SMYD3: variants seen among roughly 807,000 people sequenced by gnomAD.
SMYD3 encodes the protein SET and MYND domain containing 3.
Under a neutral mutation model 57.7 loss-of-function variants are expected in SMYD3, and 36 were observed. That is an observed-to-expected ratio of 0.62 (90% CI 0.48 to 0.82). The LOEUF is 0.82. SMYD3 is among the 40% of genes least tolerant of loss of function. The pLI is 0.00. For synonymous variants in SMYD3, 211 were observed against 195.0 expected, an observed-to-expected ratio of 1.08 and a Z score of -0.68; for missense variants, 515 against 538.8, an observed-to-expected ratio of 0.96 and a Z score of 0.44.
intron 1 of SMYD3, among the ~76,000 whole-genome samples, chr1:246,365,553 G>A (rs960599071): frequency 6.6e-6 from 1 of 150,898 alleles, no homozygotes; most frequent in Non-Finnish European, 1.5e-5. Context: ...GATTCAGTCG[G>A]GTTAAAAACA....
intron 5 of SMYD3, among the ~76,000 whole-genome samples, chr1:246,247,362 G>A (rs893653559): frequency 4.6e-5 from 7 of 151,846 alleles, no homozygotes; most frequent in Admixed American, 1.3e-4. Context: ...TATTTATAAC[G>A]TGTGTCTAGG....
chr1:245,789,112 G>A (rs151069807), intron 10 of SMYD3, among the ~76,000 whole-genome samples: 5 of 152,230 alleles, frequency 3.3e-5, no homozygotes, highest in East Asian at 3.9e-4. Context: ...GGATGCTTGC[G>A]GATGACTCCC....
rs745306374 is a variant in SMYD3 at position 245,749,700 on chromosome 1, A to C, written c.1186-36T>G. The stretch of plus-strand genomic sequence containing the variant: ...AGGACGGAAGAGAGATTAGACCCCA[A>C]AATAGGTGAGCTCAGGCCATTCCCC... On this transcript the variant is annotated intron_variant, in intron 11 of 11. Transcript: ENST00000490107. 1.9e-6 allele frequency: 3 copies of C among 1,555,298 alleles called. No individual in the cohort carries two copies. The South Asian group carries it at 3.3e-5, about 17-fold the overall frequency.
chr1:245,999,170 A>C (rs10802316), intron 5 of SMYD3, among the ~76,000 whole-genome samples: 78,207 of 151,742 alleles, frequency 0.52, 23,623 homozygotes, highest in Middle Eastern at 0.69. Context: ...ACCAAAAAAA[A>C]CCCACAAAAA....
rs1346043129 is a variant in SMYD3, at chr1:245,957,426, A to G, written c.532-27489T>C. On this transcript the variant is annotated intron_variant, in intron 5 of 11. Coordinates refer to ENST00000490107, the MANE Select transcript of SMYD3 (RefSeq NM_001167740.2). ...GTAACATTTCTTTCTCCTCTCTTAG[A>G]AAAGATCCTTAGAGGAAATTAAAAT... Among the ~76,000 whole-genome samples, 10 of 152,308 alleles carry G rather than the reference A, an allele frequency of 6.6e-5. No individual in the cohort carries two copies. The East Asian group carries it at 1.9e-3, about 29-fold the overall frequency.
rs2064964862 is a variant in SMYD3 at position 246,305,525 on chromosome 1, C to T, written c.531+21676G>A. Among the ~76,000 whole-genome samples, 4 of 152,016 alleles carry T rather than the reference C, an allele frequency of 2.6e-5. No individual in the cohort carries two copies. In the South Asian group the frequency reaches 6.2e-4, roughly 24 times the overall value. On this transcript the variant is annotated intron_variant, in intron 5 of 11. Coordinates refer to ENST00000490107, the MANE Select transcript of SMYD3 (RefSeq NM_001167740.2). ...TAAGGGGTATTTTCTCATAAATCTG[C>T]TTAAAAATGAATATTAAAGAGGGAT...
At chr1:246,070,752 GT>G (rs2060428791) in intron 5 of SMYD3, among the ~76,000 whole-genome samples, 1 of 152,218 alleles carries the variant, frequency 6.6e-6, no homozygotes, top group Non-Finnish European at 1.5e-5. Context: ...CTGGAGGATG[GT>G]TTTAATGGCA....
In SMYD3 at chr1:246,362,059, C is replaced by CA. The variant is rs541927609; in HGVS notation, c.165-6966dup. ...GTACGCACCCCCAGCACCGCCCCCA[C>CA]AAAAAAATGTCCTTTTTAAAAACTT... On this transcript the variant is annotated intron_variant, in intron 1 of 11. Transcript: ENST00000490107. 1.8e-4 allele frequency among the ~76,000 whole-genome samples: 27 copies of CA among 152,062 alleles called. No individual in the cohort carries two copies. In the East Asian group the frequency reaches 2.1e-3, roughly 12 times the overall value.
intron 5 of SMYD3, among the ~76,000 whole-genome samples, chr1:246,265,528 G>C (rs2064089654): frequency 6.6e-6 from 1 of 152,108 alleles, no homozygotes; most frequent in African/African-American, 2.4e-5. Context: ...GAGACAAGAG[G>C]CTGACTCCAG....
chr1:246,441,460 T>TA (rs1558466568), intron 1 of SMYD3, among the ~76,000 whole-genome samples: 1 of 152,230 alleles, frequency 6.6e-6, no homozygotes, highest in Admixed American at 6.5e-5. Context: ...TATTACCTGT[T>TA]ACTGCCAGGT....
rs60915002 is a variant in SMYD3, at chr1:246,225,321, C to CAAA, written c.531+101877_531+101879dup. Among the ~76,000 whole-genome samples, 35 of 76,278 alleles carry CAAA rather than the reference C, an allele frequency of 4.6e-4. 4 individuals carry two copies. Among genetic ancestry groups the CAAA allele is most frequent in the African/African-American group, 5.2e-4 (11 of 21,192 alleles). 50.0% of individuals were successfully genotyped at this position (76,278 alleles called of 152,430 possible). A position where few individuals can be genotyped will look rare whatever the true frequency, so the allele number is the denominator to read the frequency against. On this transcript the variant is annotated intron_variant, in intron 5 of 11. Transcript: ENST00000490107. ...GTTATGTGGAAGACTGCTGAAAAGT[C>CAAA]AAAAAAAAAAAAAAAAAAAAAAAAA...
intron 1 of SMYD3, among the ~76,000 whole-genome samples, chr1:246,359,224 A>C (rs147264189): frequency 0.048 from 7,287 of 152,274 alleles, 292 homozygotes; most frequent in East Asian, 0.2. Flanking sequence ...GGGATGGATA[A>C]ATTCCTGGAA....
chr1:245,847,512 G>A lies in SMYD3; in HGVS notation c.1076+10984C>T, dbSNP rs188872968. Among the ~76,000 whole-genome samples, 164 of 152,288 alleles carry A rather than the reference G, an allele frequency of 1.1e-3. 1 individual carries two copies. Among genetic ancestry groups the A allele is most frequent in the African/African-American group, 3.8e-3 (158 of 41,574 alleles). On this transcript the variant is annotated intron_variant, in intron 10 of 11. Transcript: ENST00000490107. ...TTTTAATGTGTTTGAGTCATTCAAA[G>A]TTTTATCCTTCATTACCCATTTTTC...
intron 5 of SMYD3, among the ~76,000 whole-genome samples, chr1:246,088,596 C>A (rs915355523): frequency 1.4e-5 from 1 of 69,790 alleles, no homozygotes; most frequent in South Asian, 3.6e-4. Context: ...GGCGACAGGG[C>A]GAGACTCCGT....
Position 245,800,753 on chromosome 1 carries a change from T to C in SMYD3, c.1077-36604A>G, listed in dbSNP as rs1057122151. ...GCAAGTAGTGGACATCCCAACACCA[T>C]CCATGGGAGAATGAGAGACATCTGT... On this transcript the variant is annotated intron_variant, in intron 10 of 11. Coordinates refer to ENST00000490107, the MANE Select transcript of SMYD3 (RefSeq NM_001167740.2). Among the ~76,000 whole-genome samples the C allele has an allele frequency of 4.6e-5, 7 of 152,136 alleles. 1 individual carries two copies. The highest frequency in any genetic ancestry group is 7.4e-5 in the Non-Finnish European group (5 of 68,024).
chr1:246,463,768 G>A (rs1332061796), intron 1 of SMYD3, among the ~76,000 whole-genome samples: 2 of 142,674 alleles, frequency 1.4e-5, no homozygotes, highest in Admixed American at 1.4e-4. Flanking sequence ...CCCAGGAGGC[G>A]GAGTTTGCAG....
At chr1:245,887,298 G>A (rs143880650) in intron 8 of SMYD3, among the ~76,000 whole-genome samples, 1,920 of 152,190 alleles carry the variant, frequency 0.013, 40 homozygotes, top group African/African-American at 0.044. Flanking sequence ...CCATGGCAAC[G>A]TCAGGAAGTT....
chr1:246,002,970 C>A (rs1001041088), intron 5 of SMYD3, among the ~76,000 whole-genome samples: 7 of 152,162 alleles, frequency 4.6e-5, no homozygotes, highest in Non-Finnish European at 1.0e-4. Context: ...ATGGCTCACA[C>A]GGAAACATCT....
intron 5 of SMYD3, among the ~76,000 whole-genome samples, chr1:246,195,733 C>A (rs912286040): frequency 1.3e-5 from 2 of 152,186 alleles, no homozygotes; most frequent in Non-Finnish European, 2.9e-5. Flanking sequence ...TAAGTCATGA[C>A]CCTGCAGGTC....
Sources: gnomAD v4.1 joint callset for allele counts (sites outside exome capture counted in the v4.1 genomes callset) on GRCh38, gnomAD v4.1.1 for gene constraint, MANE v1.5 for transcripts, NCBI Gene and HGNC (gene_info 2026-07-23, HGNC 2026-07-21) for gene names.